FBXL7: variants seen among roughly 807,000 people sequenced by gnomAD.
FBXL7 encodes F-box/LRR-repeat protein 7.
A neutral mutation model predicts 38.3 loss-of-function variants in FBXL7; 12 were observed. The observed-to-expected ratio is 0.31, with a 90% CI of 0.20 to 0.51. FBXL7 has a LOEUF of 0.51. FBXL7 is among the 20% of genes least tolerant of loss of function. The pLI, the probability that FBXL7 is intolerant of heterozygous loss-of-function variation, is 0.98. For synonymous variants in FBXL7, 297 were observed against 300.9 expected, an observed-to-expected ratio of 0.99 and a Z score of 0.13; for missense variants, 567 against 676.4, an observed-to-expected ratio of 0.84 and a Z score of 1.79.
chr5:15,708,529 C>A (rs1021827832), intron 2 of FBXL7, among the ~76,000 whole-genome samples: 2 of 152,196 alleles, frequency 1.3e-5, no homozygotes, highest in African/African-American at 4.8e-5. Context: ...AGTGCCAGCA[C>A]TTCATTGCTG....
chr5:15,856,037 G>T (rs1173810423), intron 2 of FBXL7, among the ~76,000 whole-genome samples: 1 of 152,074 alleles, frequency 6.6e-6, no homozygotes, highest in African/African-American at 2.4e-5. Flanking sequence ...TTTTCACACT[G>T]CTGATAAAGA....
At chr5:15,724,118 A>T (rs1744276094) in intron 2 of FBXL7, among the ~76,000 whole-genome samples, 2 of 152,166 alleles carry the variant, frequency 1.3e-5, no homozygotes, top group Admixed American at 1.3e-4. Context: ...AACTTCATTG[A>T]CTTTTAGGTC....
At chr5:15,687,211 C>G (rs1743040079) in intron 2 of FBXL7, among the ~76,000 whole-genome samples, 1 of 152,206 alleles carries the variant, frequency 6.6e-6, no homozygotes, top group Admixed American at 6.5e-5. Flanking sequence ...ATAGGAAACC[C>G]TATATTTGGG....
chr5:15,728,398 A>T (rs140443904), intron 2 of FBXL7, among the ~76,000 whole-genome samples: 2 of 152,268 alleles, frequency 1.3e-5, no homozygotes, highest in African/African-American at 4.8e-5. Context: ...ATAATAGGGG[A>T]CTGGGATTTG....
rs143799680 is a variant in FBXL7 at position 15,684,305 on chromosome 5, G to A, written c.127+68233G>A. Among the ~76,000 whole-genome samples, 1,352 of 152,274 alleles carry A rather than the reference G, an allele frequency of 8.9e-3. 11 individuals are homozygous for A. The highest frequency in any genetic ancestry group is 0.031 in the African/African-American group (1,291 of 41,558). ...ATAATATGATACATGACATGAGAAA[G>A]GTGTGTGCACGGTATCTAGGTAAGA... On this transcript the variant is annotated intron_variant, in intron 2 of 3. Coordinates refer to ENST00000504595, the MANE Select transcript of FBXL7 (RefSeq NM_012304.5).
rs886800521 is a variant in FBXL7 at position 15,633,084 on chromosome 5, C to T, written c.127+17012C>T. Among the ~76,000 whole-genome samples, 8 of 152,124 alleles carry T rather than the reference C, an allele frequency of 5.3e-5. No individual in the cohort carries two copies. The East Asian group carries it at 5.8e-4, about 11-fold the overall frequency. ...TTTCTAAGAAATGCAGATTATGAAG[C>T]GGTATTTCTTACGTGATCCCAATTG... On this transcript the variant is annotated intron_variant, in intron 2 of 3. Transcript: ENST00000504595.
intron 2 of FBXL7, among the ~76,000 whole-genome samples, chr5:15,819,688 G>C (rs201565813): frequency 6.6e-6 from 1 of 152,122 alleles, no homozygotes. Flanking sequence ...CATGGAGTGC[G>C]TTTGATATCA....
At chr5:15,600,592 A>G (rs1739760977) in intron 1 of FBXL7, among the ~76,000 whole-genome samples, 1 of 152,166 alleles carries the variant, frequency 6.6e-6, no homozygotes, top group African/African-American at 2.4e-5. Context: ...ACTTTTGCTT[A>G]TGATTGTTTG....
chr5:15,552,821 C>T (rs928936640), intron 1 of FBXL7, among the ~76,000 whole-genome samples: 9 of 152,208 alleles, frequency 5.9e-5, no homozygotes, highest in African/African-American at 1.4e-4. Context: ...CGATGGCTCA[C>T]GCCTATAATC....
intron 1 of FBXL7, among the ~76,000 whole-genome samples, chr5:15,505,007 T>C (rs757509305): frequency 1.3e-5 from 2 of 152,158 alleles, no homozygotes; most frequent in South Asian, 2.1e-4. Context: ...AAGGGCGAGA[T>C]CCTTGGTAAC....
intron 1 of FBXL7, among the ~76,000 whole-genome samples, chr5:15,566,879 T>A (rs1291881727): frequency 6.6e-6 from 1 of 152,118 alleles, no homozygotes; most frequent in Non-Finnish European, 1.5e-5. Context: ...AATGTTGCAT[T>A]TGTACCTGTA....
At chr5:15,828,166 T>C (rs1314823984) in intron 2 of FBXL7, among the ~76,000 whole-genome samples, 2 of 152,322 alleles carry the variant, frequency 1.3e-5, no homozygotes, top group Admixed American at 6.5e-5. Context: ...TATGAGGTTG[T>C]TGCAAGAATT....
At chr5:15,693,712 C>T (rs1465421063) in intron 2 of FBXL7, among the ~76,000 whole-genome samples, 2 of 152,114 alleles carry the variant, frequency 1.3e-5, no homozygotes, top group Non-Finnish European at 2.9e-5. Flanking sequence ...AAGAACACAC[C>T]GACAGATGCT....
chr5:15,536,963 T>C (rs1021697273), intron 1 of FBXL7, among the ~76,000 whole-genome samples: 5 of 152,192 alleles, frequency 3.3e-5, no homozygotes, highest in African/African-American at 1.2e-4. Flanking sequence ...TCTCCCATGC[T>C]GTTCTTGTGA....
Position 15,748,793 on chromosome 5 carries a change from T to C in FBXL7, c.127+132721T>C, listed in dbSNP as rs539276252. On this transcript the variant is annotated intron_variant, in intron 2 of 3. Transcript: ENST00000504595. The stretch of plus-strand genomic sequence containing the variant: ...TCATAGCTCACTGCAGGCTCAAACT[T>C]GGGGACTCAAGTGATATTCCCACTT... Among the ~76,000 whole-genome samples the C allele has an allele frequency of 5.3e-5, 8 of 152,242 alleles. No individual in the cohort carries two copies. In the South Asian group the frequency reaches 1.7e-3, roughly 32 times the overall value.
chr5:15,741,162 T>A (rs891373997), intron 2 of FBXL7, among the ~76,000 whole-genome samples: 1 of 152,236 alleles, frequency 6.6e-6, no homozygotes, highest in Non-Finnish European at 1.5e-5. Flanking sequence ...TATAGAAATA[T>A]GTTAATGATA....
At chr5:15,917,662 G>GA (rs1458490611) in intron 2 of FBXL7, among the ~76,000 whole-genome samples, 1 of 65,198 alleles carries the variant, frequency 1.5e-5, no homozygotes, top group East Asian at 4.1e-4. Context: ...AGGAAGGAAG[G>GA]AAGGAAGGAA....
intron 2 of FBXL7, among the ~76,000 whole-genome samples, chr5:15,725,377 T>C (rs1452334500): frequency 6.6e-6 from 1 of 152,196 alleles, no homozygotes; most frequent in Admixed American, 6.5e-5. Context: ...ATTTCCTTTG[T>C]GATTTCTTTT....
intron 2 of FBXL7, among the ~76,000 whole-genome samples, chr5:15,773,707 G>A (rs1180490101): frequency 2.0e-5 from 3 of 152,078 alleles, no homozygotes; most frequent in South Asian, 4.1e-4. Flanking sequence ...CAGTGGCCTA[G>A]ATGCAATCTA....
Sources: allele counts gnomAD v4.1 joint callset (sites outside exome capture counted in the v4.1 genomes callset), GRCh38; gene constraint gnomAD v4.1.1; transcripts MANE v1.5; gene names NCBI Gene and HGNC (gene_info 2026-07-23, HGNC 2026-07-21).